PAWR: variants seen among roughly 807,000 people sequenced by gnomAD.
PAWR encodes PRKC apoptosis WT1 regulator protein.
A neutral mutation model predicts 32.0 loss-of-function variants in PAWR; 23 were observed. The ratio of observed to expected loss-of-function variants is 0.72; its 90% CI spans 0.52 to 1.02. The LOEUF is 1.02. PAWR is among the 50% of genes least tolerant of loss of function. PAWR has a pLI of 0.00. For missense variants in PAWR, 457 were observed against 437.7 expected (o/e 1.04, Z -0.39); for synonymous variants, 226 against 187.1 (o/e 1.21, Z -1.70).
At chr12:79,632,316 T>TATATATATAC (rs1875693469) in intron 2 of PAWR, among the ~76,000 whole-genome samples, 2 of 21,540 alleles carry the variant, frequency 9.3e-5, no homozygotes, top group Non-Finnish European at 1.4e-4. Context: ...TACATACATA[T>TATATATATAC]ATATATATAT....
chr12:79,615,965 G>A (rs1874711531), intron 3 of PAWR, among the ~76,000 whole-genome samples: 1 of 151,220 alleles, frequency 6.6e-6, no homozygotes, highest in South Asian at 2.1e-4. Flanking sequence ...GCTGAAGTGG[G>A]TGGACTGCTT....
At chr12:79,654,987 A>G (rs1483427410) in intron 2 of PAWR, among the ~76,000 whole-genome samples, 1 of 152,194 alleles carries the variant, frequency 6.6e-6, no homozygotes, top group Non-Finnish European at 1.5e-5. Context: ...TCTGTTCAAT[A>G]ACAATCAAGG....
At chr12:79,593,066 T>C (rs954484839) in intron 6 of PAWR, among the ~76,000 whole-genome samples, 13 of 151,452 alleles carry the variant, frequency 8.6e-5, no homozygotes, top group African/African-American at 3.2e-4. Context: ...ATGCAAGCCA[T>C]ATATGGTATT....
chr12:79,610,870 C>T (rs756592779), intron 4 of PAWR, among the ~76,000 whole-genome samples: 1 of 150,282 alleles, frequency 6.7e-6, no homozygotes, highest in African/African-American at 2.4e-5. Context: ...ATTACATAAC[C>T]CTCACCTCCA....
chr12:79,631,800 T>A (rs1231175541), intron 2 of PAWR, among the ~76,000 whole-genome samples: 2 of 152,012 alleles, frequency 1.3e-5, no homozygotes, highest in Non-Finnish European at 2.9e-5. Flanking sequence ...TAAGTGGAAA[T>A]GAAGAGGATC....
At chr12:79,675,650 T>C (rs758040305) in intron 2 of PAWR, among the ~76,000 whole-genome samples, 1 of 152,032 alleles carries the variant, frequency 6.6e-6, no homozygotes, top group Non-Finnish European at 1.5e-5. Context: ...AACCAAATAC[T>C]GCATGTTTTC....
At chr12:79,653,314 G>T (rs1332142869) in intron 2 of PAWR, among the ~76,000 whole-genome samples, 1 of 152,152 alleles carries the variant, frequency 6.6e-6, no homozygotes, top group Non-Finnish European at 1.5e-5. Context: ...GGGATTACAG[G>T]CGTGAGCCAC....
At chr12:79,669,179 A>G (rs1449517012) in intron 2 of PAWR, among the ~76,000 whole-genome samples, 1 of 152,270 alleles carries the variant, frequency 6.6e-6, no homozygotes, top group Non-Finnish European at 1.5e-5. Flanking sequence ...TTCCCCACAC[A>G]GTGCAGATTA....
At position 79,592,600 on chromosome 12, in the gene PAWR, G is replaced by C. The variant is rs1401864997; in HGVS notation, c.*7C>G. 2 of 755,644 alleles carry C rather than the reference G, an allele frequency of 2.6e-6. No homozygotes were observed. Among genetic ancestry groups the C allele is most frequent in the African/African-American group, 3.5e-5 (2 of 57,170 alleles). The allele number at this position is 755,644 out of a possible 1,614,324, so 46.8% of individuals were successfully genotyped here. A position where few individuals can be genotyped will look rare whatever the true frequency, so the allele number is the denominator to read the frequency against. ...AAATATTTTTTCCACATTGAGTCTT[G>C]AATCCTCTACCTGGTCAGCTGACCC... On this transcript the variant is annotated 3_prime_UTR_variant, in exon 7 of 7. Coordinates refer to ENST00000328827, the MANE Select transcript of PAWR (RefSeq NM_002583.4).
chr12:79,593,865 G>C (rs1873649488), intron 6 of PAWR, among the ~76,000 whole-genome samples: 1 of 151,404 alleles, frequency 6.6e-6, no homozygotes, highest in African/African-American at 2.4e-5. Flanking sequence ...ACCATGCCCA[G>C]CTAATTTTTC....
rs138697315 is a variant in PAWR, at chr12:79,600,616, G to A, written c.684-3958C>T. Among the ~76,000 whole-genome samples the A allele has an allele frequency of 3.9e-3, 579 of 150,062 alleles. 9 individuals carry two copies. The highest frequency in any genetic ancestry group is 0.013 in the African/African-American group (547 of 40,604). On this transcript the variant is annotated intron_variant, in intron 4 of 6. Transcript: ENST00000328827. ...TCCACCTTAGCCTACCAAGTAGCTGGGACTACAGGCATATGCCACCACCAT... is the reference window on the plus strand; with the variant it reads ...TCCACCTTAGCCTACCAAGTAGCTGAGACTACAGGCATATGCCACCACCAT...
chr12:79,604,806 CTT>C (rs1874105156), intron 4 of PAWR: 1 of 571,332 alleles, frequency 1.8e-6, no homozygotes, highest in Admixed American at 3.7e-5. Context: ...TCTCATAACT[CTT>C]TATTAAAATT....
chr12:79,670,679 A>G (rs1424574290), intron 2 of PAWR, among the ~76,000 whole-genome samples: 2 of 152,140 alleles, frequency 1.3e-5, no homozygotes, highest in Non-Finnish European at 2.9e-5. Flanking sequence ...TAACTACACG[A>G]ATTTATCAAT....
At chr12:79,617,602 T>G (rs1874802263) in intron 3 of PAWR, among the ~76,000 whole-genome samples, 1 of 152,184 alleles carries the variant, frequency 6.6e-6, no homozygotes, top group Non-Finnish European at 1.5e-5. Flanking sequence ...CTTATAATTT[T>G]TTTAGCTTTA....
At chr12:79,664,654 T>TTGG (rs1185227472) in intron 2 of PAWR, among the ~76,000 whole-genome samples, 2 of 43,176 alleles carry the variant, frequency 4.6e-5, no homozygotes, top group African/African-American at 4.3e-4. Flanking sequence ...AGTAGACTCT[T>TTGG]TGGCGGGGGG....
intron 4 of PAWR, chr12:79,604,314 G>A: frequency 2.0e-6 from 2 of 1,002,464 alleles, no homozygotes; most frequent in Non-Finnish European, 2.4e-6. Flanking sequence ...TATCATCAAA[G>A]ATAAATGCCA....
chr12:79,689,515 G>A (rs1878859631), intron 2 of PAWR, among the ~76,000 whole-genome samples: 1 of 152,182 alleles, frequency 6.6e-6, no homozygotes, highest in African/African-American at 2.4e-5. Flanking sequence ...CAGGAAGCCT[G>A]AAAAGCACGT....
chr12:79,688,481 A>C (rs1214475107), intron 2 of PAWR: 1 of 151,542 alleles, frequency 6.6e-6, no homozygotes, highest in Admixed American at 6.6e-5. Context: ...AAAAAAAAAA[A>C]AAAAAACACC....
chr12:79,645,067 C>CACACACACACAA (rs999026869), intron 2 of PAWR, among the ~76,000 whole-genome samples: 3 of 151,298 alleles, frequency 2.0e-5, no homozygotes, highest in African/African-American at 7.3e-5. Context: ...CACACACACA[C>CACACACACACAA]AAAAATCAAT....
Sources: gnomAD v4.1 joint callset for allele counts (sites outside exome capture counted in the v4.1 genomes callset) on GRCh38, gnomAD v4.1.1 for gene constraint, MANE v1.5 for transcripts, NCBI Gene and HGNC (gene_info 2026-07-23, HGNC 2026-07-21) for gene names.